OLFM4: variants seen among roughly 807,000 people sequenced by gnomAD.
OLFM4 encodes the protein olfactomedin-4.
Under a neutral mutation model 25.5 loss-of-function variants are expected in OLFM4, and 22 were observed. That is an observed-to-expected ratio of 0.86 (90% CI 0.62 to 1.23). The LOEUF (loss-of-function observed/expected upper bound fraction) is 1.23. Ranked by LOEUF, OLFM4 falls within the 50% of genes most tolerant of loss-of-function variation. The pLI, the probability that OLFM4 is intolerant of heterozygous loss-of-function variation, is 0.00. For missense variants in OLFM4, 594 were observed against 619.4 expected (o/e 0.96, Z 0.44); for synonymous variants, 255 against 237.7 (o/e 1.07, Z -0.67).
At chr13:53,029,795 G>A (rs1020476859) in intron 1 of OLFM4, among the ~76,000 whole-genome samples, 1 of 152,186 alleles carries the variant, frequency 6.6e-6, no homozygotes, top group Admixed American at 6.5e-5. Context: ...CAACGAGGCT[G>A]GTACAGCTAG....
chr13:53,031,646 G>GA (rs1438922697), intron 1 of OLFM4, among the ~76,000 whole-genome samples: 1 of 152,190 alleles, frequency 6.6e-6, no homozygotes, highest in Non-Finnish European at 1.5e-5. Flanking sequence ...AGGCTGGTTT[G>GA]AAAAAACAAG....
chr13:53,045,709 C>T (rs61950483), intron 4 of OLFM4, among the ~76,000 whole-genome samples: 1 of 152,146 alleles, frequency 6.6e-6, no homozygotes, highest in African/African-American at 2.4e-5. Flanking sequence ...TTTGCTGACC[C>T]AGTGGTCAGC....
Position 53,029,013 on chromosome 13 carries a change from C to A in OLFM4, c.177C>A (p.Ser59Arg). 1 of 1,614,174 alleles carries A rather than the reference C, an allele frequency of 6.2e-7. No homozygotes were observed. Among genetic ancestry groups the A allele is most frequent in the African/African-American group, 1.3e-5 (1 of 75,050 alleles). The part of the protein sequence containing the change: ...SSRSGSSSSR[S>R]LGSGGSVSQL... ...GGTCGGGCTCCAGCTCCAGCCGCAGCTTAGGCAGCGGAGGTTCTGTGTCCC... is the reference window on the plus strand; with the variant it reads ...GGTCGGGCTCCAGCTCCAGCCGCAGATTAGGCAGCGGAGGTTCTGTGTCCC... The change falls in exon 1 of 5, where the codon AGC becomes AGA. Residue 59 changes from serine (S) to arginine (R), a missense_variant. By Grantham distance (110) the Ser-to-Arg change is moderately radical. Coordinates refer to ENST00000219022, the MANE Select transcript of OLFM4 (RefSeq NM_006418.5).
intron 4 of OLFM4, among the ~76,000 whole-genome samples, chr13:53,047,497 C>T (rs59345770): frequency 0.057 from 8,712 of 152,166 alleles, 352 homozygotes; most frequent in East Asian, 0.2. Context: ...TCCTTTCTAC[C>T]ACAGCCGGGG....
chr13:53,035,392 C>A (rs1281507954), intron 2 of OLFM4, among the ~76,000 whole-genome samples: 1 of 152,012 alleles, frequency 6.6e-6, no homozygotes, highest in African/African-American at 2.4e-5. Context: ...GCATGCAATG[C>A]GTAATAATCA....
At chr13:53,042,923 G>A (rs970686914) in intron 3 of OLFM4, among the ~76,000 whole-genome samples, 182 bp from the exon 4 acceptor site, 1 of 152,116 alleles carries the variant, frequency 6.6e-6, no homozygotes, top group Non-Finnish European at 1.5e-5. Context: ...ACACACATCT[G>A]CCTGAGATCT....
At chr13:53,046,139 A>T (rs1211669481) in intron 4 of OLFM4, among the ~76,000 whole-genome samples, 1 of 152,192 alleles carries the variant, frequency 6.6e-6, no homozygotes, top group Non-Finnish European at 1.5e-5. Context: ...TCATTTTATG[A>T]CTATGATTGT....
intron 2 of OLFM4, among the ~76,000 whole-genome samples, chr13:53,041,354 G>A (rs1303115952): frequency 3.3e-5 from 5 of 152,100 alleles, no homozygotes; most frequent in South Asian, 4.1e-4. Context: ...GCCATTCTCC[G>A]AAGCAAATTA....
At chr13:53,041,818 T>A in intron 2 of OLFM4, 92 bp from the exon 3 acceptor site, 1 of 782,506 alleles carries the variant, frequency 1.3e-6, no homozygotes. Context: ...TTGGCAAGAA[T>A]CAAATAGTTC....
rs1310637365 is a variant in OLFM4, at chr13:53,051,080, T to TTAAGGAAC, written c.*311_*318dup. ...TTCACTAGAAGCCTTAAATTAGGAA[T>TTAAGGAAC]TAAGGAACTTAAAACTCAGTATGGC... On this transcript the variant is annotated 3_prime_UTR_variant, in exon 5 of 5. Coordinates refer to ENST00000219022, the MANE Select transcript of OLFM4 (RefSeq NM_006418.5). 7.9e-6 allele frequency: 2 copies of TTAAGGAAC among 254,100 alleles called. No individual in the cohort carries two copies. The highest frequency in any genetic ancestry group is 4.5e-5 in the African/African-American group (2 of 44,822). 15.7% of individuals were successfully genotyped at this position (254,100 alleles called of 1,614,324 possible).
Position 53,050,532 on chromosome 13 carries a change from A to G in OLFM4, c.1294A>G (p.Asn432Asp). ...YTKQYKPSAS[N>D]AFMVCGVLYA... is the part of the protein sequence containing the mutation. ...CAAGCAGTATAAACCATCTGCTTCT[A>G]ACGCCTTCATGGTATGTGGGGTTCT... Residue 432 changes from asparagine to aspartate, a missense_variant, in exon 5 of 5, where the codon AAC (asparagine) becomes GAC (aspartate). Physicochemically the swap from Asn to Asp is conservative, Grantham distance 23. Transcript: ENST00000219022. The G allele has an allele frequency of 6.2e-7, 1 of 1,614,044 alleles. No homozygotes were observed. The highest frequency in any genetic ancestry group is 8.5e-7 in the Non-Finnish European group (1 of 1,179,966).
At chr13:53,036,919 C>T (rs1411184090) in intron 2 of OLFM4, among the ~76,000 whole-genome samples, 1 of 152,192 alleles carries the variant, frequency 6.6e-6, no homozygotes, top group African/African-American at 2.4e-5. Context: ...TCTTCAAAAT[C>T]ATCTCAACTC....
At chr13:53,033,400 C>T (rs531117858) in intron 1 of OLFM4, among the ~76,000 whole-genome samples, 6 of 152,236 alleles carry the variant, frequency 3.9e-5, no homozygotes, top group South Asian at 2.1e-4. Flanking sequence ...ATTTCCCAGG[C>T]GATGAGAGGA....
chr13:53,035,260 T>C (rs1445730688), intron 2 of OLFM4, among the ~76,000 whole-genome samples: 1 of 151,900 alleles, frequency 6.6e-6, no homozygotes, highest in African/African-American at 2.4e-5. Context: ...TAGTCTCTTT[T>C]ATTTTTTTCT....
chr13:53,050,263 T>C lies in OLFM4; in HGVS notation c.1025T>C (p.Met342Thr). 1.2e-6 allele frequency: 2 copies of C among 1,614,076 alleles called. No individual in the cohort carries two copies. The highest frequency in any genetic ancestry group is 1.7e-6 in the Non-Finnish European group (2 of 1,179,952). The change falls in exon 5 of 5, where the codon ATG (methionine) becomes ACG (threonine). Residue 342 changes from methionine (M) to threonine (T), a missense_variant. By Grantham distance (81) the Met-to-Thr change is moderately conservative. Coordinates refer to ENST00000219022, the MANE Select transcript of OLFM4 (RefSeq NM_006418.5). ...TACAACAACAACATGTACGTCAACATGTACAACACCGGGAATATTGCCAGA... is the reference window on the plus strand; with the variant it reads ...TACAACAACAACATGTACGTCAACACGTACAACACCGGGAATATTGCCAGA... The part of the protein sequence containing the change: ...AVYNNNMYVN[M>T]YNTGNIARVN...
chr13:53,034,420 A>G lies in OLFM4; in HGVS notation c.277A>G (p.Thr93Ala). The G allele has an allele frequency of 1.9e-6, 3 of 1,614,082 alleles. No individual in the cohort carries two copies. The highest frequency in any genetic ancestry group is 1.6e-4 in the Middle Eastern group (1 of 6,062). ...GTGCTCTGTTTCCCTGCCAGACACC[A>G]CCTTTCCCGTGGACAGAGTGGAACG... ...CQCSVSLPDT[T>A]FPVDRVERLE... Residue 93 changes from threonine to alanine, a missense_variant, in exon 2 of 5, where the codon ACC (threonine) becomes GCC (alanine). Physicochemically the swap from Thr to Ala is moderately conservative, Grantham distance 58 (BLOSUM62 0). Coordinates refer to ENST00000219022, the MANE Select transcript of OLFM4 (RefSeq NM_006418.5).
At position 53,050,036 on chromosome 13, in the gene OLFM4, G is replaced by T. The variant is rs745833603; in HGVS notation, c.798G>T (p.Gly266=). Residue 266 remains glycine (G), a synonymous_variant, in exon 5 of 5, where the codon GGG becomes GGT. Transcript: ENST00000219022. ...CTGTGGTTCAGCTCAACTGGAGAGG[G>T]TTTTCTTATCTATATGGTGCTTGGG... ...KPSVVQLNWR[G]FSYLYGAWGR... 2.5e-6 allele frequency: 4 copies of T among 1,613,646 alleles called. No homozygotes were observed. Among genetic ancestry groups the T allele is most frequent in the Middle Eastern group, 1.6e-4 (1 of 6,080 alleles).
At chr13:53,034,314 T>C in intron 1 of OLFM4, 34 bp from the exon 2 acceptor site, 1 of 1,602,078 alleles carries the variant, frequency 6.2e-7, no homozygotes, top group Non-Finnish European at 8.5e-7. Flanking sequence ...AGATTCCAGC[T>C]TGTTATTGAT....
At chr13:53,039,107 A>G (rs1954674451) in intron 2 of OLFM4, among the ~76,000 whole-genome samples, 1 of 152,198 alleles carries the variant, frequency 6.6e-6, no homozygotes, top group Admixed American at 6.5e-5. Flanking sequence ...GGAGAACCAC[A>G]TTTTATTTAG....
Sources: allele counts gnomAD v4.1 joint callset (sites outside exome capture counted in the v4.1 genomes callset), GRCh38; gene constraint gnomAD v4.1.1; transcripts MANE v1.5; gene names NCBI Gene and HGNC (gene_info 2026-07-23, HGNC 2026-07-21).